CLUAP1: variants seen among roughly 807,000 people sequenced by gnomAD.
CLUAP1 encodes intraflagellar transport 38, also known as clusterin-associated protein 1.
A neutral mutation model predicts 55.0 loss-of-function variants in CLUAP1; 50 were observed. The ratio of observed to expected loss-of-function variants is 0.91; its 90% confidence interval spans 0.72 to 1.15. The LOEUF (loss-of-function observed/expected upper bound fraction) is 1.15. Among genes scored for constraint, CLUAP1 ranks in the 50% most tolerant of loss-of-function variants. CLUAP1 has a pLI of 0.00. For synonymous variants in CLUAP1, 195 were observed against 175.4 expected (o/e 1.11, Z -0.88); for missense variants, 530 against 507.6 (o/e 1.04, Z -0.42).
chr16:3,495,472 C>G, the CLUAP1 span: 1 of 1,587,956 alleles, frequency 6.3e-7, no homozygotes, highest in Non-Finnish European at 8.6e-7. Flanking sequence ...TGCAGCAGGG[C>G]CCTGCTCTCC....
intron 8 of CLUAP1, among the ~76,000 whole-genome samples, chr16:3,525,408 T>C (rs1483075975): frequency 1.3e-5 from 2 of 152,108 alleles, no homozygotes; most frequent in African/African-American, 4.8e-5. Context: ...TCTCTTTTTC[T>C]CTTACTCACT....
chr16:3,522,964 TGAAAAA>T (rs1356569133), intron 7 of CLUAP1, among the ~76,000 whole-genome samples, 188 bp from the exon 8 acceptor site: 4 of 152,106 alleles, frequency 2.6e-5, no homozygotes, highest in Non-Finnish European at 5.9e-5. Context: ...TTATTTATGA[TGAAAAA>T]GAAGTATGTT....
At chr16:3,523,930 T>G (rs1166374706) in intron 8 of CLUAP1, among the ~76,000 whole-genome samples, 2 of 151,938 alleles carry the variant, frequency 1.3e-5, no homozygotes, top group Non-Finnish European at 2.9e-5. Flanking sequence ...CGTGCCACTG[T>G]ACTCCAGCCT....
intron 9 of CLUAP1, among the ~76,000 whole-genome samples, chr16:3,529,431 A>T (rs1278630888): frequency 3.8e-5 from 3 of 77,970 alleles, no homozygotes; most frequent in African/African-American, 1.2e-4. Flanking sequence ...TATTATATAT[A>T]ATATATATTA....
In CLUAP1 at chr16:3,506,306, T is replaced by A. The variant is rs369494760; in HGVS notation, c.135-25T>A. ...GACTTTCTCCTTGGTTAACCCGTGC[T>A]CTCTCCTCTTACCTCTCTTGATAGA... is the stretch of plus-strand genomic sequence containing the variant. On this transcript the variant is annotated intron_variant, in intron 2 of 11. Transcript: ENST00000576634. The A allele has an allele frequency of 3.8e-6, 6 of 1,589,342 alleles. No homozygotes were observed. In the African/African-American group the frequency reaches 8.1e-5, roughly 21 times the overall value.
chr16:3,532,815 A>T lies in CLUAP1; in HGVS notation c.1066A>T (p.Met356Leu). 1 of 1,614,152 alleles carries T rather than the reference A, an allele frequency of 6.2e-7. No homozygotes were observed. Among genetic ancestry groups the T allele is most frequent in the East Asian group, 2.2e-5 (1 of 44,886 alleles). The change falls in exon 11 of 12, where the codon ATG becomes TTG. Residue 356 changes from methionine (M) to leucine (L), a missense_variant. Coordinates refer to ENST00000576634, the MANE Select transcript of CLUAP1 (RefSeq NM_015041.3). ...ACCTGGCAAACGCATTGTGGGCACG[A>T]TGCAAGGTGGAGACTCCGATGACAA... is the stretch of plus-strand genomic sequence containing the variant. ...GRPGKRIVGTMQGGDSDDNED... is the reference protein window; with the variant it reads ...GRPGKRIVGTLQGGDSDDNED...
chr16:3,513,214 C>A (rs1301310844), intron 5 of CLUAP1, among the ~76,000 whole-genome samples: 1 of 152,150 alleles, frequency 6.6e-6, no homozygotes, highest in Non-Finnish European at 1.5e-5. Flanking sequence ...ACTCTGGGGT[C>A]CTTGTTATGG....
intron 3 of CLUAP1, among the ~76,000 whole-genome samples, chr16:3,507,574 A>C (rs1336334895): frequency 1.3e-5 from 2 of 151,502 alleles, no homozygotes; most frequent in South Asian, 2.1e-4. Context: ...AAAAAAAAAA[A>C]ATTAAAAACA....
chr16:3,503,982 T>C (rs2037456840), intron 1 of CLUAP1, among the ~76,000 whole-genome samples: 1 of 152,218 alleles, frequency 6.6e-6, no homozygotes, highest in Non-Finnish European at 1.5e-5. Flanking sequence ...GCACACTGAA[T>C]GTAGATCTTG....
chr16:3,527,314 A>G (rs754476146), intron 9 of CLUAP1, among the ~76,000 whole-genome samples: 3 of 152,166 alleles, frequency 2.0e-5, no homozygotes, highest in Non-Finnish European at 4.4e-5. Context: ...TAACCTAGGA[A>G]AAAACAGGCC....
In CLUAP1 at chr16:3,536,467, C is replaced by T; in HGVS notation, c.*196C>T. On this transcript the variant is annotated 3_prime_UTR_variant, in exon 12 of 12. Coordinates refer to ENST00000576634, the MANE Select transcript of CLUAP1 (RefSeq NM_015041.3). ...CTTAAATAAGAATTGAAGCAAATCC[C>T]TAAGATTTATTTTTTTCCACCTTAT... The T allele has an allele frequency of 1.9e-6, 1 of 532,140 alleles. No homozygotes were observed. Among genetic ancestry groups the T allele is most frequent in the Non-Finnish European group, 3.2e-6 (1 of 312,080 alleles). 33.0% of individuals were successfully genotyped at this position (532,140 alleles called of 1,614,324 possible). A position where few individuals can be genotyped will look rare whatever the true frequency, so the allele number is the denominator to read the frequency against.
At chr16:3,526,383 C>T (rs755674662) in intron 8 of CLUAP1, 29 bp from the exon 9 acceptor site, 1 of 1,539,344 alleles carries the variant, frequency 6.5e-7, no homozygotes, top group South Asian at 1.2e-5. Context: ...AGGGCCATCT[C>T]TCCTGAGTCT....
At chr16:3,530,532 C>G in intron 9 of CLUAP1, 36 bp from the exon 10 acceptor site, 1 of 1,479,338 alleles carries the variant, frequency 6.8e-7, no homozygotes, top group South Asian at 1.1e-5. Context: ...GATCATGAAG[C>G]CACTCCTTTG....
At chr16:3,513,855 C>T (rs2037681148) in intron 5 of CLUAP1, among the ~76,000 whole-genome samples, 1 of 152,200 alleles carries the variant, frequency 6.6e-6, no homozygotes, top group South Asian at 2.1e-4. Context: ...TCATTCACTT[C>T]CTAGCAAGAG....
At chr16:3,524,988 ATG>A (rs1435955318) in intron 8 of CLUAP1, among the ~76,000 whole-genome samples, 9 of 152,290 alleles carry the variant, frequency 5.9e-5, no homozygotes, top group African/African-American at 2.2e-4. Context: ...TATTAAGGTT[ATG>A]CTAGGCTTCT....
At chr16:3,515,986 C>A in intron 6 of CLUAP1, among the ~76,000 whole-genome samples, 1 of 152,178 alleles carries the variant, frequency 6.6e-6, no homozygotes, top group Admixed American at 6.5e-5. Context: ...ACTGCTCGCT[C>A]ACATCAGTTA....
Position 3,515,562 on chromosome 16 carries a change from G to A in CLUAP1, c.550G>A (p.Val184Met), listed in dbSNP as rs2037714187. 6.2e-7 allele frequency: 1 copy of A among 1,600,120 alleles called. No individual in the cohort carries two copies. The highest frequency in any genetic ancestry group is 8.5e-7 in the Non-Finnish European group (1 of 1,176,298). Residue 184 changes from valine (V) to methionine (M), a missense_variant, in exon 6 of 12, where the codon GTG (valine) becomes ATG (methionine). By Grantham distance (21) the Val-to-Met change is conservative. Coordinates refer to ENST00000576634, the MANE Select transcript of CLUAP1 (RefSeq NM_015041.3). ...RPLEINETEK[V>M]MRIAIKEILT... ...TCTGGAAATAAACGAGACTGAAAAA[G>A]TGATGAGAATTGCAATAAAAGAGAT...
At chr16:3,518,374 A>G (rs896041266) in intron 6 of CLUAP1, among the ~76,000 whole-genome samples, 1 of 152,182 alleles carries the variant, frequency 6.6e-6, no homozygotes, top group Non-Finnish European at 1.5e-5. Flanking sequence ...GACTCCTTTC[A>G]TTGTTAGAAA....
chr16:3,499,338 T>C (rs936203796), upstream of CLUAP1, among the ~76,000 whole-genome samples: 8 of 151,934 alleles, frequency 5.3e-5, no homozygotes, highest in African/African-American at 1.7e-4. Context: ...AGAGCAAGAG[T>C]CCATCTCAAA....
Sources: allele counts gnomAD v4.1 joint callset (sites outside exome capture counted in the v4.1 genomes callset), GRCh38; gene constraint gnomAD v4.1.1; transcripts MANE v1.5; gene names NCBI Gene and HGNC (gene_info 2026-07-23, HGNC 2026-07-21).